The following TRPM1 variants were observed in gnomAD, a reference collection of about 807,000 sequenced individuals.
TRPM1 encodes transient receptor potential cation channel subfamily M member 1, also known as TRPM1-203 APA Isoform, Intron 10.
A neutral mutation model predicts 149.4 loss-of-function variants in TRPM1; 113 were observed. The observed-to-expected ratio is 0.76, with a 90% confidence interval of 0.65 to 0.88. TRPM1 has a LOEUF of 0.88. TRPM1 is among the 40% of genes least tolerant of loss of function. TRPM1 has a pLI of 0.00. For missense variants in TRPM1, 1,976 were observed against 2,038.7 expected, an observed-to-expected ratio of 0.97 and a Z score of 0.59; for synonymous variants, 741 against 759.5, an observed-to-expected ratio of 0.98 and a Z score of 0.40.
chr15:31,088,537 T>G (rs2035077087), intron 1 of TRPM1, among the ~76,000 whole-genome samples: 1 of 152,122 alleles, frequency 6.6e-6, no homozygotes, highest in Non-Finnish European at 1.5e-5. Context: ...CTTTAAGAGC[T>G]GTAACACTTG....
At chr15:31,051,282 A>T (rs1430485687) in intron 11 of TRPM1, among the ~76,000 whole-genome samples, 2 of 152,098 alleles carry the variant, frequency 1.3e-5, no homozygotes, top group Non-Finnish European at 2.9e-5. Flanking sequence ...CAGCACCTAA[A>T]CAACCGGACC....
At chr15:31,107,274 G>A (rs2035619287) in intron 1 of TRPM1, among the ~76,000 whole-genome samples, 1 of 152,138 alleles carries the variant, frequency 6.6e-6, no homozygotes, top group Admixed American at 6.5e-5. Context: ...TTCTCCTTGA[G>A]TCAGTTTCAG....
At chr15:31,013,255 C>T (rs866401714) in intron 27 of TRPM1, among the ~76,000 whole-genome samples, 8 of 152,088 alleles carry the variant, frequency 5.3e-5, no homozygotes, top group Non-Finnish European at 1.2e-4. Flanking sequence ...AAGCAATCCT[C>T]CCTCCTTGGT....
chr15:31,076,369 A>C (rs1375734023), intron 3 of TRPM1, among the ~76,000 whole-genome samples: 1 of 152,154 alleles, frequency 6.6e-6, no homozygotes, highest in Non-Finnish European at 1.5e-5. Flanking sequence ...GCCCTTAGAG[A>C]TGAGACATTT....
intron 1 of TRPM1, among the ~76,000 whole-genome samples, chr15:31,127,110 T>G (rs551456982): frequency 6.6e-6 from 1 of 152,210 alleles, no homozygotes; most frequent in Non-Finnish European, 1.5e-5. Flanking sequence ...CCCATGAAGC[T>G]GGTTTGTGAA....
chr15:31,146,225 C>G (rs954476076), intron 1 of TRPM1, among the ~76,000 whole-genome samples: 3 of 152,160 alleles, frequency 2.0e-5, no homozygotes, highest in African/African-American at 7.2e-5. Flanking sequence ...GACAAAAACT[C>G]AAAGAAATGC....
chr15:31,027,260 C>A, intron 25 of TRPM1, 143 bp from the exon 26 acceptor site: 1 of 747,480 alleles, frequency 1.3e-6, no homozygotes, highest in Non-Finnish European at 2.2e-6. Flanking sequence ...CTTGATTATC[C>A]AATCTTTTGG....
intron 1 of TRPM1, among the ~76,000 whole-genome samples, chr15:31,128,722 A>G (rs1482566915): frequency 6.6e-6 from 1 of 152,146 alleles, no homozygotes; most frequent in Non-Finnish European, 1.5e-5. Context: ...CTCAAGACAA[A>G]TGCCAGGGCT....
In TRPM1 at chr15:31,040,067, G is replaced by C. The variant is rs1218293889; in HGVS notation, c.2316+51C>G. ...AAAGTGCTCAGTTCAGCCTGGCAGA[G>C]AGTCACTTGTCACTGTCACCCTGGC... is the stretch of plus-strand genomic sequence containing the variant. On this transcript the variant is annotated intron_variant, in intron 18 of 27. Coordinates refer to ENST00000256552, the MANE Select transcript of TRPM1 (RefSeq NM_001252024.2). This position sits in a 1 kb window ranked among gnomAD's most constrained non-coding sequence, Gnocchi z 4.2. 1.3e-6 allele frequency: 2 copies of C among 1,528,280 alleles called. No individual in the cohort carries two copies. Among genetic ancestry groups the C allele is most frequent in the Admixed American group, 3.3e-5 (2 of 59,848 alleles). The allele number at this position is 1,528,280 out of a possible 1,614,324, so 94.7% of individuals were successfully genotyped here.
chr15:31,153,835 T>C (rs1445497594), intron 1 of TRPM1, among the ~76,000 whole-genome samples: 6 of 152,246 alleles, frequency 3.9e-5, no homozygotes, highest in Admixed American at 2.0e-4. Context: ...CTCAAACTGA[T>C]TGAGACTTGT....
intron 1 of TRPM1, among the ~76,000 whole-genome samples, chr15:31,140,128 A>G (rs1353114704): frequency 6.6e-6 from 1 of 150,872 alleles, no homozygotes; most frequent in African/African-American, 2.4e-5. Flanking sequence ...GCACTCTGGG[A>G]GGCCGTGGTG....
intron 22 of TRPM1, among the ~76,000 whole-genome samples, chr15:31,031,498 C>T (rs2033077745): frequency 6.6e-6 from 1 of 152,062 alleles, no homozygotes; most frequent in Non-Finnish European, 1.5e-5. Flanking sequence ...GTAAGGGATG[C>T]TAAGGAGGAA....
At chr15:31,025,012 G>A (rs572790079) in intron 27 of TRPM1, among the ~76,000 whole-genome samples, 24 of 152,266 alleles carry the variant, frequency 1.6e-4, no homozygotes, top group African/African-American at 5.5e-4. Flanking sequence ...CTGTGGGCTG[G>A]GGCAGAGTTC....
Position 31,070,145 on chromosome 15 carries a change from T to C in TRPM1, c.165A>G (p.Lys55=). 6.2e-7 allele frequency: 1 copy of C among 1,614,106 alleles called. No individual in the cohort carries two copies. Among genetic ancestry groups the C allele is most frequent in the South Asian group, 1.1e-5 (1 of 91,080 alleles). Residue 55 remains lysine, a synonymous_variant, in exon 4 of 28, where the codon AAA becomes AAG. Transcript: ENST00000256552. ...ATTTCTCAGGCTGAGTCTCCACCTG[T>C]TTGCTTTCCTCTTCATTTTTGCTGG... ...ATPSKNEEES[K]QVETQPEKWS... is the part of the protein sequence containing the mutation.
At chr15:31,079,339 G>A (rs992615715) in intron 2 of TRPM1, among the ~76,000 whole-genome samples, 1 of 151,794 alleles carries the variant, frequency 6.6e-6, no homozygotes, top group Non-Finnish European at 1.5e-5. Flanking sequence ...TTCTCACAAG[G>A]ATTTGACTGA....
chr15:31,046,797 T>G (rs1032817621), intron 15 of TRPM1, among the ~76,000 whole-genome samples: 8 of 152,188 alleles, frequency 5.3e-5, no homozygotes, highest in Admixed American at 1.3e-4. Flanking sequence ...TCCCTTGCTT[T>G]GGAAGATTAT....
At chr15:31,135,707 A>G (rs898520317) in intron 1 of TRPM1, among the ~76,000 whole-genome samples, 2 of 151,616 alleles carry the variant, frequency 1.3e-5, no homozygotes, top group African/African-American at 4.8e-5. Flanking sequence ...GTGAACTCTC[A>G]CTCTGTTGGT....
rs2034396607 is a variant in TRPM1, at chr15:31,067,074, C to A, written c.607G>T (p.Val203Phe). The A allele has an allele frequency of 1.2e-6, 2 of 1,614,184 alleles. No individual in the cohort carries two copies. The highest frequency in any genetic ancestry group is 8.5e-7 in the Non-Finnish European group (1 of 1,180,024). Reference protein sequence around the residue: ...WGIVENKEDLVGKDVTRVYQT... With the variant: ...WGIVENKEDLFGKDVTRVYQT... ...GAGAAAACACTTACATCCTTTCCAACCAGGTCTTCCTTATTCTCCACGATG... is the reference window on the plus strand; with the variant it reads ...GAGAAAACACTTACATCCTTTCCAAACAGGTCTTCCTTATTCTCCACGATG... The change falls in exon 6 of 28, where the codon GTT becomes TTT. Residue 203 changes from valine (V) to phenylalanine (F), a missense_variant. Physicochemically the swap from Val to Phe is conservative, Grantham distance 50. Around this residue, in one of 3 missense-constraint regions of TRPM1, gnomAD observed 1,332 missense variants for 1,347.1 expected, o/e 0.99. Coordinates refer to ENST00000256552, the MANE Select transcript of TRPM1 (RefSeq NM_001252024.2).
At chr15:31,115,407 AG>A (rs1209215787) in intron 1 of TRPM1, among the ~76,000 whole-genome samples, 3 of 152,312 alleles carry the variant, frequency 2.0e-5, no homozygotes, top group African/African-American at 7.2e-5. Flanking sequence ...TCAATCAGAC[AG>A]TTGAGGTCAC....
Sources: gnomAD v4.1 joint callset for allele counts (sites outside exome capture counted in the v4.1 genomes callset) on GRCh38, gnomAD v4.1.1 for gene constraint, gnomAD v4.1.1 regional missense constraint, Gnocchi (gnomAD v3.1) non-coding constraint, MANE v1.5 for transcripts, NCBI Gene and HGNC (gene_info 2026-07-23, HGNC 2026-07-21) for gene names.